Variants in SNX8 observed in about 807,000 individuals in gnomAD.
The protein encoded by SNX8 is sorting nexin-8.
SNX8 carries 25 observed loss-of-function variants against 51.6 expected under a neutral mutation model. The observed-to-expected ratio is 0.48, with a 90% CI of 0.35 to 0.68. SNX8 has a LOEUF of 0.68. Among genes scored for constraint, SNX8 ranks in the 30% least tolerant of loss-of-function variants. SNX8 has a pLI of 0.00. For synonymous variants in SNX8, 324 were observed against 277.0 expected (o/e 1.17, Z -1.68); for missense variants, 695 against 624.0 (o/e 1.11, Z -1.21).
intron 1 of SNX8, among the ~76,000 whole-genome samples, chr7:2,324,108 CA>C (rs1778585981): frequency 6.6e-6 from 1 of 150,624 alleles, no homozygotes; most frequent in Non-Finnish European, 1.5e-5. Context: ...GTGGCAAGGG[CA>C]AGACTCCATC....
At chr7:2,316,400 C>T (rs548243111), upstream of SNX8, among the ~76,000 whole-genome samples, 37 of 147,304 alleles carry the variant, frequency 2.5e-4, no homozygotes, top group East Asian at 5.7e-3. Context: ...CATTCATTCA[C>T]GCAACCACTC....
At chr7:2,258,155 C>T (rs569522263) in intron 7 of SNX8, among the ~76,000 whole-genome samples, 184 of 152,208 alleles carry the variant, frequency 1.2e-3, no homozygotes, top group Admixed American at 2.7e-3. Flanking sequence ...GGACTACAGG[C>T]GCCCTCCACC....
At chr7:2,265,903 A>G (rs1795451558) in intron 5 of SNX8, among the ~76,000 whole-genome samples, 1 of 151,284 alleles carries the variant, frequency 6.6e-6, no homozygotes, top group Non-Finnish European at 1.5e-5. Context: ...CTTGAGGCCA[A>G]GAGTTCAAGA....
At chr7:2,296,689 G>A (rs988721975) in intron 1 of SNX8, among the ~76,000 whole-genome samples, 7 of 151,832 alleles carry the variant, frequency 4.6e-5, no homozygotes, top group Non-Finnish European at 1.0e-4. Flanking sequence ...CCAGCACTTT[G>A]GGAGGCCGAG....
intron 1 of SNX8, among the ~76,000 whole-genome samples, chr7:2,338,977 C>A (rs1778876296): frequency 6.6e-6 from 1 of 152,124 alleles, no homozygotes; most frequent in Non-Finnish European, 1.5e-5. Context: ...CTGGCACAAT[C>A]CCAGCTCACT....
chr7:2,334,805 C>G (rs1026643057), intron 1 of SNX8, among the ~76,000 whole-genome samples: 1 of 136,384 alleles, frequency 7.3e-6, no homozygotes, highest in African/African-American at 2.8e-5. Context: ...GAAGTTGAGG[C>G]TGCAGTGAGC....
At chr7:2,343,849 T>C (rs1778975363) in intron 1 of SNX8, among the ~76,000 whole-genome samples, 1 of 151,456 alleles carries the variant, frequency 6.6e-6, no homozygotes, top group African/African-American at 2.4e-5. Context: ...AGAAATCCTG[T>C]CTCTACTAAA....
Position 2,340,882 on chromosome 7 carries a change from A to C in SNX8, c.-66+13340T>G, listed in dbSNP as rs1029978016. Among the ~76,000 whole-genome samples the C allele has an allele frequency of 3.6e-3, 536 of 148,276 alleles. 4 individuals carry two copies. The highest frequency in any genetic ancestry group is 0.013 in the African/African-American group (496 of 39,410). ...AAAAAAAAAAAAAAAAAAAAAAAAA[A>C]AACTCTAAAGCTAATCAGTACTCGG... On this transcript the variant is annotated intron_variant, in intron 1 of 5. Coordinates refer to the SNX8 transcript ENST00000435336.
At chr7:2,257,891 G>A (rs1210759000) in intron 7 of SNX8, 88 bp from the exon 8 acceptor site, 4 of 1,295,112 alleles carry the variant, frequency 3.1e-6, no homozygotes, top group African/African-American at 2.9e-5. Context: ...GGCCTGGGCC[G>A]GTTCCTTCCT....
chr7:2,336,576 T>C (rs545280137), intron 1 of SNX8, among the ~76,000 whole-genome samples: 2 of 151,506 alleles, frequency 1.3e-5, no homozygotes, highest in Non-Finnish European at 2.9e-5. Flanking sequence ...GGCATGGTGG[T>C]GCGCACCTGT....
At chr7:2,337,058 G>C (rs1778844906) in intron 1 of SNX8, 1 of 151,778 alleles carries the variant, frequency 6.6e-6, no homozygotes, top group Non-Finnish European at 1.5e-5. Flanking sequence ...TTGTGGAGGA[G>C]GGCGTGGGGG....
chr7:2,272,598 A>G (rs1795676435), intron 3 of SNX8, among the ~76,000 whole-genome samples: 1 of 151,214 alleles, frequency 6.6e-6, no homozygotes, highest in African/African-American at 2.4e-5. Flanking sequence ...CTGGTCTCCA[A>G]CTCCTGACCT....
chr7:2,258,135 C>T (rs1297982010), intron 7 of SNX8, among the ~76,000 whole-genome samples: 1 of 152,114 alleles, frequency 6.6e-6, no homozygotes, highest in Non-Finnish European at 1.5e-5. Flanking sequence ...CTCAGCCTCC[C>T]GAGTAGCTGG....
intron 1 of SNX8, 53 bp from the exon 2 acceptor site, chr7:2,278,358 C>G: frequency 8.2e-7 from 1 of 1,212,688 alleles, no homozygotes; most frequent in Non-Finnish European, 1.2e-6. Flanking sequence ...AAAGCTGGAG[C>G]CTTGGCTGGG....
At chr7:2,352,053 A>G (rs1035406694) in intron 1 of SNX8, among the ~76,000 whole-genome samples, 3 of 151,608 alleles carry the variant, frequency 2.0e-5, no homozygotes, top group East Asian at 2.0e-4. Flanking sequence ...GATTACAGGC[A>G]TGTGCCACCA....
intron 6 of SNX8, among the ~76,000 whole-genome samples, chr7:2,263,957 A>C (rs1357249317): frequency 4.0e-5 from 6 of 151,626 alleles, no homozygotes; most frequent in African/African-American, 1.2e-4. Context: ...CTCGTGATCC[A>C]CCCACCTCGG....
At chr7:2,352,142 A>G (rs531378656) in intron 1 of SNX8, among the ~76,000 whole-genome samples, 1 of 151,900 alleles carries the variant, frequency 6.6e-6, no homozygotes, top group African/African-American at 2.4e-5. Context: ...TCCTGACCTC[A>G]TGTAATGCAT....
chr7:2,296,038 G>A (rs182631404), intron 1 of SNX8, among the ~76,000 whole-genome samples: 230 of 152,202 alleles, frequency 1.5e-3, no homozygotes, highest in African/African-American at 5.2e-3. Flanking sequence ...CATTCCTTTT[G>A]CTTAGGATTG....
At position 2,304,730 on chromosome 7, in the gene SNX8, C is replaced by T. The variant is rs147479948; in HGVS notation, c.94+9598G>A. On this transcript the variant is annotated intron_variant, in intron 1 of 10. Coordinates refer to ENST00000222990, the MANE Select transcript of SNX8 (RefSeq NM_013321.4). ...AGCCAAGGAAGGAAGGCTAACCGTGCACATGCCGTCCTGAGATAAGAAACT... is the reference window on the plus strand; with the variant it reads ...AGCCAAGGAAGGAAGGCTAACCGTGTACATGCCGTCCTGAGATAAGAAACT... 5.5e-3 allele frequency among the ~76,000 whole-genome samples: 840 copies of T among 152,210 alleles called. 5 individuals are homozygous for T. Among genetic ancestry groups the T allele is most frequent in the Non-Finnish European group, 0.011 (715 of 68,016 alleles).
Sources: gnomAD v4.1 joint callset for allele counts (sites outside exome capture counted in the v4.1 genomes callset) on GRCh38, gnomAD v4.1.1 for gene constraint, MANE v1.5 for transcripts, NCBI Gene and HGNC (gene_info 2026-07-23, HGNC 2026-07-21) for gene names.